Variants in MYT1L observed in about 807,000 individuals in gnomAD.
The protein encoded by MYT1L is myelin transcription factor 1 like.
In MYT1L, 12 loss-of-function variants were observed where a neutral mutation model predicts 126.7. The observed-to-expected ratio is 0.09, with a 90% CI of 0.06 to 0.15. The LOEUF (loss-of-function observed/expected upper bound fraction) is 0.15, where lower values mean the gene tolerates loss of function less well. Ranked by LOEUF, MYT1L falls within the 10% of genes least tolerant of loss-of-function variation. The probability of loss-of-function intolerance (pLI) is 1.00; values close to 1 mark genes in which losing one functional copy is unlikely to be tolerated. For missense variants in MYT1L, 979 were observed against 1,585.2 expected (o/e 0.62, Z 6.49); for synonymous variants, 541 against 604.2 (o/e 0.90, Z 1.53).
intron 3 of MYT1L, among the ~76,000 whole-genome samples, chr2:2,064,094 T>C (rs2070903062): frequency 6.6e-6 from 1 of 152,208 alleles, no homozygotes; most frequent in South Asian, 2.1e-4. Context: ...ATATCTGTAT[T>C]CTTTAAGTAT....
At chr2:1,803,741 G>A (rs112647107) in intron 22 of MYT1L, among the ~76,000 whole-genome samples, 6,780 of 152,198 alleles carry the variant, frequency 0.045, 198 homozygotes, top group South Asian at 0.1. Context: ...TGCCCACTGC[G>A]GCTCTGTGCA....
At chr2:2,115,271 C>T (rs2080048326) in intron 3 of MYT1L, among the ~76,000 whole-genome samples, 5 of 152,168 alleles carry the variant, frequency 3.3e-5, no homozygotes, top group Admixed American at 3.3e-4. Context: ...ATGTAAGTGC[C>T]ACAAGGCCAG....
intron 4 of MYT1L, among the ~76,000 whole-genome samples, chr2:2,031,110 T>A (rs1165900686): frequency 6.6e-6 from 1 of 152,218 alleles, no homozygotes; most frequent in Non-Finnish European, 1.5e-5. Flanking sequence ...CTTCAGAAGT[T>A]AAAATTTATT....
intron 2 of MYT1L, among the ~76,000 whole-genome samples, chr2:2,278,858 C>T (rs1398987607): frequency 6.6e-6 from 1 of 152,158 alleles, no homozygotes; most frequent in Non-Finnish European, 1.5e-5. Flanking sequence ...AGCCCAAGGC[C>T]ACATCACCTA....
rs1388487214 is a variant in MYT1L at position 1,789,150 on chromosome 2, GTT to G, written c.*2715_*2716del. ...CGTGCTACAAATGTGGCAACACCTT[GTT>G]TATTTAGAGTAAGATGTGTTAACAT... On this transcript the variant is annotated 3_prime_UTR_variant, in exon 25 of 25. Coordinates refer to ENST00000647738, the MANE Select transcript of MYT1L (RefSeq NM_001303052.2). 1 of 152,184 alleles carries G rather than the reference GTT, an allele frequency of 6.6e-6. No individual in the cohort carries two copies. Among genetic ancestry groups the G allele is most frequent in the African/African-American group, 2.4e-5 (1 of 41,436 alleles). The allele number at this position is 152,184 out of a possible 1,614,324, so 9.4% of individuals were successfully genotyped here. A position where few individuals can be genotyped will look rare whatever the true frequency, so the allele number is the denominator to read the frequency against.
chr2:2,279,190 C>T (rs1216993379), intron 2 of MYT1L, among the ~76,000 whole-genome samples: 1 of 152,156 alleles, frequency 6.6e-6, no homozygotes, highest in Admixed American at 6.5e-5. Flanking sequence ...TGTAAGGCCA[C>T]TATGAAGTTC....
chr2:2,225,544 C>G (rs150788424), intron 2 of MYT1L, among the ~76,000 whole-genome samples: 1 of 152,156 alleles, frequency 6.6e-6, no homozygotes, highest in Non-Finnish European at 1.5e-5. Flanking sequence ...ATTGACTCGA[C>G]CTTTACTTTC....
At chr2:1,871,103 T>C (rs2046229081) in intron 18 of MYT1L, among the ~76,000 whole-genome samples, 1 of 152,262 alleles carries the variant, frequency 6.6e-6, no homozygotes, top group Non-Finnish European at 1.5e-5. Flanking sequence ...CAGCTGGGTC[T>C]GAGAGTCGGT....
intron 3 of MYT1L, among the ~76,000 whole-genome samples, chr2:2,157,373 C>T (rs114758283): frequency 1.0e-3 from 159 of 152,246 alleles, no homozygotes; most frequent in African/African-American, 3.5e-3. Context: ...CTTAATATGT[C>T]CATGGACTAG....
intron 12 of MYT1L, among the ~76,000 whole-genome samples, chr2:1,911,580 T>A (rs938535277): frequency 7.2e-5 from 11 of 151,998 alleles, no homozygotes; most frequent in African/African-American, 2.4e-4. Context: ...CTGCTAAACA[T>A]CTGCAGGTTT....
chr2:1,902,667 G>C, intron 14 of MYT1L: 1 of 201,014 alleles, frequency 5.0e-6, no homozygotes, highest in Non-Finnish European at 1.0e-5. Context: ...TGGGTGCAGA[G>C]CTCCTCAAAG....
At chr2:2,063,176 C>T (rs1044107318) in intron 3 of MYT1L, among the ~76,000 whole-genome samples, 41 of 152,140 alleles carry the variant, frequency 2.7e-4, no homozygotes, top group Non-Finnish European at 5.3e-4. Flanking sequence ...CTCATCTTCT[C>T]CTTCTTCTAC....
At chr2:2,262,849 A>T (rs2095011162) in intron 2 of MYT1L, among the ~76,000 whole-genome samples, 1 of 143,908 alleles carries the variant, frequency 6.9e-6, no homozygotes, top group African/African-American at 2.6e-5. Context: ...TCTTTCGTAG[A>T]TTATGTTATG....
intron 2 of MYT1L, among the ~76,000 whole-genome samples, chr2:2,242,516 T>C (rs1572776523): frequency 6.6e-6 from 1 of 152,210 alleles, no homozygotes; most frequent in East Asian, 1.9e-4. Flanking sequence ...GCCTGGCACA[T>C]AAGAGACGCT....
At chr2:1,888,434 A>G (rs1466693329) in intron 16 of MYT1L, among the ~76,000 whole-genome samples, 1 of 152,258 alleles carries the variant, frequency 6.6e-6, no homozygotes. Flanking sequence ...GCTTATAAGC[A>G]GGTGCCCTCT....
chr2:2,135,165 T>C (rs987480314), intron 3 of MYT1L, among the ~76,000 whole-genome samples: 1 of 152,188 alleles, frequency 6.6e-6, no homozygotes. Flanking sequence ...TCATCTTGAA[T>C]TGTAGTTCTC....
intron 21 of MYT1L, among the ~76,000 whole-genome samples, chr2:1,813,210 G>A (rs1470873828): frequency 3.3e-5 from 5 of 152,208 alleles, no homozygotes; most frequent in African/African-American, 1.2e-4. Flanking sequence ...ACAAAGGCAC[G>A]CCTCCTCCTC....
intron 3 of MYT1L, among the ~76,000 whole-genome samples, chr2:2,083,197 C>T (rs2076015564): frequency 6.6e-6 from 1 of 152,208 alleles, no homozygotes; most frequent in Non-Finnish European, 1.5e-5. Context: ...AAATACCTGC[C>T]CTTCCTAAGT....
chr2:2,229,370 G>C (rs1479255809), intron 2 of MYT1L, among the ~76,000 whole-genome samples: 2 of 151,896 alleles, frequency 1.3e-5, no homozygotes, highest in Non-Finnish European at 2.9e-5. Flanking sequence ...TACAAAGCTG[G>C]CTAGCACAAT....
Sources: allele counts gnomAD v4.1 joint callset (sites outside exome capture counted in the v4.1 genomes callset), GRCh38; gene constraint gnomAD v4.1.1; transcripts MANE v1.5; gene names NCBI Gene and HGNC (gene_info 2026-07-23, HGNC 2026-07-21).